The following TMEM132D variants were observed in gnomAD, a reference collection of about 807,000 sequenced individuals.
TMEM132D encodes transmembrane protein 132D, also known as mature OL transmembrane protein.
TMEM132D carries 21 observed loss-of-function variants against 62.3 expected under a neutral mutation model. The observed-to-expected ratio is 0.34, with a 90% CI of 0.24 to 0.49. TMEM132D has a LOEUF of 0.49. Among genes scored for constraint, TMEM132D ranks in the 20% least tolerant of loss-of-function variants. TMEM132D has a pLI of 0.99. For synonymous variants in TMEM132D, 621 were observed against 575.6 expected (o/e 1.08, Z -1.13); for missense variants, 1,346 against 1,402.8 (o/e 0.96, Z 0.65).
intron 2 of TMEM132D, among the ~76,000 whole-genome samples, chr12:129,551,947 A>T (rs1876909222): frequency 6.6e-6 from 1 of 152,214 alleles, no homozygotes; most frequent in Admixed American, 6.5e-5. Context: ...GAATATGACA[A>T]GTAGCATATA....
chr12:129,225,092 G>A (rs572239612), intron 4 of TMEM132D, among the ~76,000 whole-genome samples: 5 of 152,226 alleles, frequency 3.3e-5, no homozygotes, highest in East Asian at 1.9e-4. Flanking sequence ...TGTGACTTTC[G>A]GCAAAATAGT....
chr12:129,462,628 T>C (rs1403134334), intron 3 of TMEM132D, among the ~76,000 whole-genome samples: 2 of 152,218 alleles, frequency 1.3e-5, no homozygotes, highest in African/African-American at 4.8e-5. Context: ...GAAGTATAAC[T>C]ACCCAATTAA....
intron 3 of TMEM132D, among the ~76,000 whole-genome samples, chr12:129,437,734 T>C (rs1398278573): frequency 1.3e-5 from 2 of 152,084 alleles, no homozygotes; most frequent in Non-Finnish European, 2.9e-5. Context: ...TCATTTCTTT[T>C]TTTTTTTTCT....
At chr12:129,782,542 G>A (rs11835918) in intron 1 of TMEM132D, among the ~76,000 whole-genome samples, 30 of 152,312 alleles carry the variant, frequency 2.0e-4, no homozygotes, top group East Asian at 1.4e-3. Context: ...CTAAAATTGC[G>A]CCTGGCCTCA....
chr12:129,200,971 A>T (rs1021787280), intron 5 of TMEM132D, among the ~76,000 whole-genome samples: 1 of 152,214 alleles, frequency 6.6e-6, no homozygotes, highest in Non-Finnish European at 1.5e-5. Context: ...GATCCACCTT[A>T]GGAGAATGTG....
chr12:129,462,479 A>G (rs944123956), intron 3 of TMEM132D, among the ~76,000 whole-genome samples: 2 of 152,230 alleles, frequency 1.3e-5, no homozygotes, highest in Admixed American at 1.3e-4. Context: ...TAATTTTCAC[A>G]TATGTAAGAT....
At chr12:129,732,838 A>C (rs1331257917) in intron 1 of TMEM132D, among the ~76,000 whole-genome samples, 3 of 152,168 alleles carry the variant, frequency 2.0e-5, no homozygotes, top group Admixed American at 6.5e-5. Flanking sequence ...CAGGGAGGGG[A>C]TGGGGGCTGG....
At chr12:129,757,456 A>T (rs763897091) in intron 1 of TMEM132D, among the ~76,000 whole-genome samples, 3 of 152,148 alleles carry the variant, frequency 2.0e-5, no homozygotes, top group Non-Finnish European at 4.4e-5. Flanking sequence ...TCCTATCCTC[A>T]GCCAAACTTC....
chr12:129,755,790 T>C (rs1322288124), intron 1 of TMEM132D, among the ~76,000 whole-genome samples: 1 of 152,128 alleles, frequency 6.6e-6, no homozygotes, highest in African/African-American at 2.4e-5. Context: ...CCTCCACCCA[T>C]TCCTGTCCCA....
intron 1 of TMEM132D, among the ~76,000 whole-genome samples, chr12:129,803,918 G>T (rs1255481475): frequency 3.7e-5 from 5 of 136,462 alleles, no homozygotes; most frequent in African/African-American, 1.3e-4. Context: ...ACACCTCTAC[G>T]CAAATAAACT....
chr12:129,243,595 A>G (rs75095582), intron 4 of TMEM132D, among the ~76,000 whole-genome samples: 5,002 of 152,248 alleles, frequency 0.033, 124 homozygotes, highest in Admixed American at 0.077. Flanking sequence ...GAACGACTGG[A>G]AACAGTTTGG....
intron 4 of TMEM132D, among the ~76,000 whole-genome samples, chr12:129,250,098 C>T (rs1018221710): frequency 6.6e-6 from 1 of 152,068 alleles, no homozygotes; most frequent in African/African-American, 2.4e-5. Flanking sequence ...CAAATGGAGA[C>T]ATCAAGGAGA....
intron 5 of TMEM132D, among the ~76,000 whole-genome samples, chr12:129,189,861 G>A (rs1565992152): frequency 6.6e-6 from 1 of 152,176 alleles, no homozygotes; most frequent in Non-Finnish European, 1.5e-5. Flanking sequence ...GGAAAGTGAG[G>A]TTGCTGATGG....
At chr12:129,555,952 T>A (rs1212153097) in intron 2 of TMEM132D, among the ~76,000 whole-genome samples, 1 of 152,210 alleles carries the variant, frequency 6.6e-6, no homozygotes, top group Non-Finnish European at 1.5e-5. Flanking sequence ...ATGAGAAAGC[T>A]GGACATACAC....
chr12:129,156,202 A>G (rs1436323323), intron 5 of TMEM132D, among the ~76,000 whole-genome samples: 3 of 151,820 alleles, frequency 2.0e-5, no homozygotes, highest in Non-Finnish European at 4.4e-5. Flanking sequence ...CACTCTCACG[A>G]TAACTAACTC....
At chr12:129,516,354 T>C (rs143206254) in intron 3 of TMEM132D, among the ~76,000 whole-genome samples, 386 of 152,328 alleles carry the variant, frequency 2.5e-3, no homozygotes, top group South Asian at 6.4e-3. Context: ...TCTGTTTTCA[T>C]GCTGCTGATA....
intron 1 of TMEM132D, among the ~76,000 whole-genome samples, chr12:129,841,963 G>C (rs1380676555): frequency 2.0e-5 from 3 of 149,962 alleles, no homozygotes; most frequent in Non-Finnish European, 4.4e-5. Flanking sequence ...CGGAGTCTCG[G>C]TCTGTCCCCC....
intron 1 of TMEM132D, among the ~76,000 whole-genome samples, chr12:129,786,348 G>A (rs1871246907): frequency 6.6e-6 from 1 of 152,094 alleles, no homozygotes; most frequent in African/African-American, 2.4e-5. Context: ...TTCCGCAGCA[G>A]TGACCCCATA....
At chr12:129,821,479 T>A (rs1273438506) in intron 1 of TMEM132D, among the ~76,000 whole-genome samples, 2 of 152,322 alleles carry the variant, frequency 1.3e-5, no homozygotes, top group African/African-American at 4.8e-5. Context: ...CAGAAGTCAG[T>A]CTGCCAGCCC....
Sources: gnomAD v4.1 joint callset for allele counts (sites outside exome capture counted in the v4.1 genomes callset) on GRCh38, gnomAD v4.1.1 for gene constraint, MANE v1.5 for transcripts, NCBI Gene and HGNC (gene_info 2026-07-23, HGNC 2026-07-21) for gene names.